CFAP299: variants seen among roughly 807,000 people sequenced by gnomAD.
The protein encoded by CFAP299 is cilia and flagella associated protein 299.
In CFAP299, 21 loss-of-function variants were observed where a neutral mutation model predicts 27.0. That is an observed-to-expected ratio of 0.78 (90% CI 0.55 to 1.12). The LOEUF (loss-of-function observed/expected upper bound fraction) is 1.12. Among genes scored for constraint, CFAP299 ranks in the 50% most tolerant of loss-of-function variants. The pLI is 0.00. For missense variants in CFAP299, 310 were observed against 276.6 expected (o/e 1.12, Z -0.86); for synonymous variants, 104 against 98.1 (o/e 1.06, Z -0.36).
intron 3 of CFAP299, among the ~76,000 whole-genome samples, chr4:80,676,293 T>G (rs1719450871): frequency 1.3e-5 from 2 of 152,248 alleles, no homozygotes; most frequent in Non-Finnish European, 2.9e-5. Context: ...CTTGCATTTC[T>G]AGGATGAATT....
intron 2 of CFAP299, among the ~76,000 whole-genome samples, chr4:80,549,257 G>C (rs971991799): frequency 6.6e-6 from 1 of 152,090 alleles, no homozygotes; most frequent in Non-Finnish European, 1.5e-5. Flanking sequence ...CACTCGCTAA[G>C]ATGCTATTAT....
At chr4:80,844,610 T>C (rs1731063739) in intron 3 of CFAP299, among the ~76,000 whole-genome samples, 1 of 152,200 alleles carries the variant, frequency 6.6e-6, no homozygotes, top group African/African-American at 2.4e-5. Flanking sequence ...TGTTTGTTTT[T>C]TTCTTGTAAA....
At chr4:80,634,952 T>C (rs1290712433) in intron 3 of CFAP299, among the ~76,000 whole-genome samples, 1 of 152,118 alleles carries the variant, frequency 6.6e-6, no homozygotes, top group Non-Finnish European at 1.5e-5. Context: ...ATATGAATAG[T>C]AAAATGAAAT....
At chr4:80,890,239 C>G (rs942260272) in intron 4 of CFAP299, among the ~76,000 whole-genome samples, 1 of 152,040 alleles carries the variant, frequency 6.6e-6, no homozygotes, top group Admixed American at 6.6e-5. Flanking sequence ...CCTAAAGACT[C>G]CACAAAAAGC....
At chr4:80,855,066 A>G (rs1257005924) in intron 3 of CFAP299, among the ~76,000 whole-genome samples, 1 of 152,134 alleles carries the variant, frequency 6.6e-6, no homozygotes, top group Non-Finnish European at 1.5e-5. Context: ...TGGATTGAAT[A>G]TGTTAGCTAG....
the CFAP299 span, among the ~76,000 whole-genome samples, chr4:80,324,261 C>A: frequency 1.3e-5 from 2 of 152,188 alleles, no homozygotes; most frequent in African/African-American, 4.8e-5. Context: ...TATACTTTTC[C>A]TGGACTATGT....
intron 4 of CFAP299, among the ~76,000 whole-genome samples, chr4:80,937,308 CTTTCTTTT>C (rs1736950833): frequency 1.1e-5 from 1 of 90,818 alleles, no homozygotes; most frequent in African/African-American, 5.1e-5. Context: ...CTTTTTTTTT[CTTTCTTTT>C]TTTTTTTTTT....
intron 2 of CFAP299, among the ~76,000 whole-genome samples, chr4:80,581,459 T>G (rs1468680775): frequency 0.23 from 10,702 of 47,464 alleles, 669 homozygotes; most frequent in Non-Finnish European, 0.36. Flanking sequence ...GTGAGATATA[T>G]ATATATATAT....
intron 2 of CFAP299, among the ~76,000 whole-genome samples, chr4:80,430,973 A>G (rs1243682966): frequency 6.6e-6 from 1 of 152,094 alleles, no homozygotes; most frequent in African/African-American, 2.4e-5. Context: ...AGTCCCTCAC[A>G]TCCTTCAGGT....
chr4:80,704,853 A>G (rs1259428716), intron 3 of CFAP299, among the ~76,000 whole-genome samples: 3 of 151,972 alleles, frequency 2.0e-5, no homozygotes, highest in Admixed American at 1.3e-4. Flanking sequence ...TGATTTTTGT[A>G]TTATGTAAAT....
intron 1 of CFAP299, among the ~76,000 whole-genome samples, chr4:80,361,414 T>C (rs983371316): frequency 2.6e-5 from 4 of 152,218 alleles, no homozygotes; most frequent in African/African-American, 9.6e-5. Context: ...CTTTCAGTAA[T>C]GTATTTAAGA....
chr4:80,388,144 G>A (rs141883327), intron 2 of CFAP299: 2 of 672,308 alleles, frequency 3.0e-6, no homozygotes, highest in Non-Finnish European at 5.5e-6. Context: ...GGCCCAGGCT[G>A]TGGGGTGGAG....
Position 80,349,772 on chromosome 4 carries a change from C to T in CFAP299, c.112-12982C>T, listed in dbSNP as rs79094963. On this transcript the variant is annotated intron_variant, in intron 1 of 5. Transcript: ENST00000358105. ...AGTATTTTCAAACACTTATAGGAAACGTCATACTCAGTGTTTAAACACTTG... is the reference window on the plus strand; with the variant it reads ...AGTATTTTCAAACACTTATAGGAAATGTCATACTCAGTGTTTAAACACTTG... Among the ~76,000 whole-genome samples, 179 of 152,186 alleles carry T rather than the reference C, an allele frequency of 1.2e-3. 2 individuals carry two copies. The East Asian group carries it at 0.03, about 25-fold the overall frequency.
chr4:80,492,884 G>A (rs1731211854), intron 2 of CFAP299, among the ~76,000 whole-genome samples: 1 of 152,182 alleles, frequency 6.6e-6, no homozygotes, highest in South Asian at 2.1e-4. Flanking sequence ...CTGTGGGATG[G>A]TGGCCTGGAG....
chr4:80,961,163 T>G (rs1441093119), intron 5 of CFAP299, among the ~76,000 whole-genome samples: 1 of 151,700 alleles, frequency 6.6e-6, no homozygotes, highest in East Asian at 1.9e-4. Flanking sequence ...TAGTTGAATA[T>G]AAATTTATAG....
chr4:80,891,740 A>G (rs1178413097), intron 4 of CFAP299, among the ~76,000 whole-genome samples: 1 of 111,376 alleles, frequency 9.0e-6, no homozygotes, highest in Non-Finnish European at 1.8e-5. Context: ...CAATGTGCAC[A>G]TGTACCCTAA....
chr4:80,526,415 A>C (rs1220056562), intron 2 of CFAP299, among the ~76,000 whole-genome samples: 1 of 152,172 alleles, frequency 6.6e-6, no homozygotes, highest in Non-Finnish European at 1.5e-5. Flanking sequence ...AATTTTACTA[A>C]TACATACTAA....
At chr4:80,426,695 A>G (rs1560562343) in intron 2 of CFAP299, among the ~76,000 whole-genome samples, 1 of 152,208 alleles carries the variant, frequency 6.6e-6, no homozygotes, top group Non-Finnish European at 1.5e-5. Flanking sequence ...CAAATTTAAC[A>G]AACATTGGAT....
chr4:80,804,059 CAAG>C (rs1728744597), intron 3 of CFAP299, among the ~76,000 whole-genome samples: 1 of 152,042 alleles, frequency 6.6e-6, no homozygotes, highest in African/African-American at 2.4e-5. Flanking sequence ...TAATCCCATT[CAAG>C]AAGGAGGTGG....
Sources: gnomAD v4.1 joint callset for allele counts (sites outside exome capture counted in the v4.1 genomes callset) on GRCh38, gnomAD v4.1.1 for gene constraint, MANE v1.5 for transcripts, NCBI Gene and HGNC (gene_info 2026-07-23, HGNC 2026-07-21) for gene names.